FAT3: variants seen among roughly 807,000 people sequenced by gnomAD.
FAT3 encodes the protein FAT atypical cadherin 3.
A neutral mutation model predicts 310.2 loss-of-function variants in FAT3; 95 were observed. That is an observed-to-expected ratio of 0.31 (90% CI 0.26 to 0.36). The LOEUF (loss-of-function observed/expected upper bound fraction) is 0.36. Ranked by LOEUF, FAT3 falls within the 10% of genes least tolerant of loss-of-function variation. The probability of loss-of-function intolerance (pLI) is 1.00; values close to 1 mark genes in which losing one functional copy is unlikely to be tolerated. For synonymous variants in FAT3, 2,314 were observed against 2,192.9 expected, an observed-to-expected ratio of 1.06 and a Z score of -1.54; for missense variants, 5,408 against 5,715.6, an observed-to-expected ratio of 0.95 and a Z score of 1.74.
rs1470362966 is a variant in FAT3 at position 92,442,105 on chromosome 11, A to C, written c.3293-82529A>C. 4.8e-3 allele frequency among the ~76,000 whole-genome samples: 97 copies of C among 20,358 alleles called. 8 individuals carry two copies. The highest frequency in any genetic ancestry group is 0.016 in the African/African-American group (92 of 5,854). The allele number at this position is 20,358 out of a possible 152,430, so 13.4% of individuals were successfully genotyped here. The stretch of plus-strand genomic sequence containing the variant: ...TTTATATATATATATATATATATAT[A>C]TATATATTTTTTTTTTTTTTTTTTT... On this transcript the variant is annotated intron_variant, in intron 2 of 27. Coordinates refer to ENST00000525166, the MANE Select transcript of FAT3 (RefSeq NM_001367949.2).
intron 2 of FAT3, among the ~76,000 whole-genome samples, chr11:92,392,410 G>A (rs748448156): frequency 9.2e-5 from 14 of 152,230 alleles, no homozygotes; most frequent in South Asian, 4.1e-4. Context: ...GGTGAGCCAG[G>A]ACGTATTTCT....
rs370341316 is a variant in FAT3 at position 92,798,224 on chromosome 11, T to C, written c.5211T>C (p.Tyr1737=). 5 of 1,613,824 alleles carry C rather than the reference T, an allele frequency of 3.1e-6. No individual in the cohort carries two copies. Among genetic ancestry groups the C allele is most frequent in the Non-Finnish European group, 4.2e-6 (5 of 1,179,868 alleles). The part of the protein sequence containing the change: ...KALDYERTSS[Y]QLIIQATNMA... ...TGGATTATGAGCGCACATCCTCTTA[T>C]CAACTCATCATTCAGGCCACCAATA... Residue 1737 remains tyrosine (Y), a synonymous_variant, in exon 10 of 28, where the codon TAT becomes TAC. Coordinates refer to ENST00000525166, the MANE Select transcript of FAT3 (RefSeq NM_001367949.2).
intron 1 of FAT3, among the ~76,000 whole-genome samples, chr11:92,284,291 G>A (rs1402863341): frequency 3.3e-5 from 5 of 151,908 alleles, no homozygotes; most frequent in Non-Finnish European, 5.9e-5. Context: ...GAGAACTACA[G>A]GGAGTGTTTC....
chr11:92,705,624 ATGGTGGTGTGTGATGGTGGT>A (rs1944292073), intron 4 of FAT3, among the ~76,000 whole-genome samples: 1 of 78 alleles, frequency 0.013, no homozygotes, highest in African/African-American at 0.05. Flanking sequence ...TGGTGGTGTG[ATGGTGGTGTGTGATGGTGGT>A]TGGTGGTGTG....
chr11:92,882,176 G>T (rs1351335941), intron 23 of FAT3, among the ~76,000 whole-genome samples: 1 of 152,154 alleles, frequency 6.6e-6, no homozygotes, highest in African/African-American at 2.4e-5. Flanking sequence ...CTGTTTTGAG[G>T]CTCTTTCTAC....
chr11:92,756,374 G>A (rs1208040588), intron 4 of FAT3, among the ~76,000 whole-genome samples: 4 of 152,140 alleles, frequency 2.6e-5, no homozygotes, highest in Admixed American at 2.6e-4. Flanking sequence ...ATAGCTTATT[G>A]TGCTGAACCA....
At chr11:92,469,470 A>T (rs1301832912) in intron 2 of FAT3, among the ~76,000 whole-genome samples, 3 of 152,014 alleles carry the variant, frequency 2.0e-5, no homozygotes, top group African/African-American at 7.2e-5. Context: ...TAGAGCTAGG[A>T]TTGGCCTCAT....
At chr11:92,565,904 T>C (rs1259827253) in intron 3 of FAT3, among the ~76,000 whole-genome samples, 4 of 152,062 alleles carry the variant, frequency 2.6e-5, no homozygotes, top group Non-Finnish European at 5.9e-5. Context: ...ATAAGAGCTA[T>C]CTATGACAAA....
In FAT3 at chr11:92,837,801, A is replaced by T; in HGVS notation, c.10363A>T (p.Ile3455Phe). ...VFTPANYTAVIQENKPVGTSI... is the reference protein window; with the variant it reads ...VFTPANYTAVFQENKPVGTSI... ...TACACCTGCCAACTATACTGCTGTG[A>T]TTCAGGTGAGAAAATCTTGCCTGCC... The change falls in exon 17 of 28, where the codon ATT becomes TTT. Residue 3455 changes from isoleucine (I) to phenylalanine (F), a missense_variant. Physicochemically the swap from Ile to Phe is conservative, Grantham distance 21 (BLOSUM62 0). Transcript: ENST00000525166. The T allele has an allele frequency of 6.2e-7, 1 of 1,613,966 alleles. No homozygotes were observed. Among genetic ancestry groups the T allele is most frequent in the Non-Finnish European group, 8.5e-7 (1 of 1,179,862 alleles).
intron 1 of FAT3, among the ~76,000 whole-genome samples, chr11:92,255,127 G>A (rs1865265480): frequency 6.6e-6 from 1 of 152,132 alleles, no homozygotes; most frequent in Admixed American, 6.6e-5. Flanking sequence ...TACAGCTAAA[G>A]TTAACTCTGA....
At chr11:92,756,229 T>C (rs1476984951) in intron 4 of FAT3, among the ~76,000 whole-genome samples, 1 of 152,264 alleles carries the variant, frequency 6.6e-6, no homozygotes, top group Non-Finnish European at 1.5e-5. Context: ...CTATCGTTTT[T>C]CTTGTACATA....
intron 1 of FAT3, among the ~76,000 whole-genome samples, chr11:92,329,849 T>G (rs528063329): frequency 7.0e-4 from 106 of 151,396 alleles, no homozygotes; most frequent in Non-Finnish European, 1.3e-3. Context: ...TCAGAAACCT[T>G]GACAGTTTCT....
chr11:92,829,880 T>A (rs576993936), intron 13 of FAT3, among the ~76,000 whole-genome samples: 6 of 152,340 alleles, frequency 3.9e-5, no homozygotes, highest in Non-Finnish European at 7.4e-5. Context: ...GCAATTTATG[T>A]CATCCCTCAA....
intron 1 of FAT3, among the ~76,000 whole-genome samples, chr11:92,349,016 A>C (rs1948489572): frequency 6.6e-6 from 1 of 152,242 alleles, no homozygotes; most frequent in South Asian, 2.1e-4. Flanking sequence ...GTAGAAGTTC[A>C]AAGTGTGAAT....
intron 3 of FAT3, among the ~76,000 whole-genome samples, chr11:92,652,064 A>T (rs1942399126): frequency 2.0e-5 from 3 of 152,122 alleles, no homozygotes; most frequent in Admixed American, 2.0e-4. Context: ...ACATAGATTC[A>T]CTTGCAATCA....
At chr11:92,714,634 AC>A (rs1944619556) in intron 4 of FAT3, among the ~76,000 whole-genome samples, 1 of 152,236 alleles carries the variant, frequency 6.6e-6, no homozygotes, top group African/African-American at 2.4e-5. Context: ...TCAGAACAAT[AC>A]AGTTTGTCCC....
At chr11:92,789,307 G>C (rs140511131) in intron 7 of FAT3, among the ~76,000 whole-genome samples, 172 of 152,262 alleles carry the variant, frequency 1.1e-3, no homozygotes, top group African/African-American at 3.8e-3. Context: ...ACATACTTGA[G>C]TGTTCATTAC....
At chr11:92,347,148 T>A (rs1052870417) in intron 1 of FAT3, among the ~76,000 whole-genome samples, 2 of 152,164 alleles carry the variant, frequency 1.3e-5, no homozygotes, top group Non-Finnish European at 2.9e-5. Flanking sequence ...ATAGATAGGA[T>A]TCAAATGCAG....
chr11:92,490,259 C>T (rs2135233285), intron 2 of FAT3, among the ~76,000 whole-genome samples: 1 of 152,238 alleles, frequency 6.6e-6, no homozygotes, highest in Middle Eastern at 3.4e-3. Context: ...GTCTTTCTAG[C>T]TTTGCATATA....
Sources: gnomAD v4.1 joint callset for allele counts (sites outside exome capture counted in the v4.1 genomes callset) on GRCh38, gnomAD v4.1.1 for gene constraint, MANE v1.5 for transcripts, NCBI Gene and HGNC (gene_info 2026-07-23, HGNC 2026-07-21) for gene names.